ABCA13: variants seen among roughly 807,000 people sequenced by gnomAD.
ABCA13 encodes ATP-binding cassette sub-family A member 13.
In ABCA13, 476 loss-of-function variants were observed where a neutral mutation model predicts 478.7. That is an observed-to-expected ratio of 0.99 (90% confidence interval 0.92 to 1.07). The LOEUF is 1.07. ABCA13 is among the 50% of genes least tolerant of loss of function. The pLI is 0.00. For synonymous variants in ABCA13, 2,252 were observed against 2,158.9 expected (o/e 1.04, Z -1.20); for missense variants, 6,060 against 5,910.6 (o/e 1.03, Z -0.83).
chr7:48,450,100 G>C (rs1223870563), intron 42 of ABCA13, among the ~76,000 whole-genome samples: 1 of 152,122 alleles, frequency 6.6e-6, no homozygotes, highest in Non-Finnish European at 1.5e-5. Flanking sequence ...ACCTAGCATA[G>C]CACTTGCACT....
At chr7:48,204,410 C>T (rs905825770) in intron 3 of ABCA13, among the ~76,000 whole-genome samples, 4 of 152,036 alleles carry the variant, frequency 2.6e-5, no homozygotes, top group Admixed American at 6.6e-5. Flanking sequence ...GGGGTTTCAC[C>T]ATGTTGGCCA....
intron 35 of ABCA13, among the ~76,000 whole-genome samples, chr7:48,385,042 T>C (rs2129048293): frequency 6.6e-6 from 1 of 152,272 alleles, no homozygotes; most frequent in South Asian, 2.1e-4. Context: ...GGTTAGAACT[T>C]CAACATATGA....
intron 35 of ABCA13, among the ~76,000 whole-genome samples, chr7:48,380,941 C>G (rs924899511): frequency 6.6e-6 from 1 of 152,174 alleles, no homozygotes; most frequent in Admixed American, 6.5e-5. Flanking sequence ...GGCAAGGTAC[C>G]AGCCAACTAG....
intron 58 of ABCA13, among the ~76,000 whole-genome samples, chr7:48,596,472 T>C (rs965600754): frequency 1.3e-5 from 2 of 152,198 alleles, no homozygotes; most frequent in African/African-American, 4.8e-5. Flanking sequence ...CCTTAGAATA[T>C]TTGGGTCACC....
chr7:48,310,482 G>A (rs1434859403), intron 24 of ABCA13, among the ~76,000 whole-genome samples: 1 of 152,154 alleles, frequency 6.6e-6, no homozygotes, highest in Admixed American at 6.5e-5. Flanking sequence ...TCTCTCCTCT[G>A]TAAGGGCCAC....
intron 59 of ABCA13, among the ~76,000 whole-genome samples, chr7:48,626,087 C>T (rs943804247): frequency 5.9e-5 from 9 of 152,142 alleles, no homozygotes; most frequent in African/African-American, 2.2e-4. Flanking sequence ...CAGTTTAAAC[C>T]TGCAAACATT....
chr7:48,599,987 G>T (rs1790716432), intron 58 of ABCA13, among the ~76,000 whole-genome samples: 2 of 152,118 alleles, frequency 1.3e-5, no homozygotes, highest in Non-Finnish European at 2.9e-5. Context: ...TTTTTCCTGG[G>T]TATTCTATCA....
rs1468519340 is a variant in ABCA13 at position 48,364,864 on chromosome 7, A to G, written c.10689-2930A>G. Among the ~76,000 whole-genome samples, 3 of 152,308 alleles carry G rather than the reference A, an allele frequency of 2.0e-5. No homozygotes were observed. The East Asian group carries it at 5.8e-4, about 29-fold the overall frequency. ...TAGCTATTGTGAATAAGTCTGCAAT[A>G]AACATGGGAGTGCACATATCTCTTC... is the stretch of plus-strand genomic sequence containing the variant. On this transcript the variant is annotated intron_variant, in intron 31 of 61. Coordinates refer to ENST00000435803, the MANE Select transcript of ABCA13 (RefSeq NM_152701.5).
chr7:48,209,993 A>G (rs1164932826), intron 3 of ABCA13, among the ~76,000 whole-genome samples: 1 of 152,114 alleles, frequency 6.6e-6, no homozygotes, highest in Non-Finnish European at 1.5e-5. Flanking sequence ...TATTTCTTCT[A>G]CTAATTTTGG....
chr7:48,378,258 C>T (rs919456381), intron 35 of ABCA13, among the ~76,000 whole-genome samples: 1 of 152,114 alleles, frequency 6.6e-6, no homozygotes, highest in Admixed American at 6.5e-5. Flanking sequence ...TGAGAATGTC[C>T]TCACCAGTGG....
At chr7:48,285,388 C>T (rs564275309) in intron 19 of ABCA13, among the ~76,000 whole-genome samples, 3 of 152,250 alleles carry the variant, frequency 2.0e-5, no homozygotes, top group Admixed American at 1.3e-4. Flanking sequence ...AAAGAGGGTA[C>T]CCGGGAAAGT....
chr7:48,399,666 G>C (rs1257603183), intron 38 of ABCA13, among the ~76,000 whole-genome samples: 2 of 152,160 alleles, frequency 1.3e-5, no homozygotes, highest in Non-Finnish European at 2.9e-5. Context: ...TAAGAATAAT[G>C]ATAAGAGTAG....
intron 41 of ABCA13, among the ~76,000 whole-genome samples, chr7:48,416,587 C>G (rs906801533): frequency 3.3e-5 from 5 of 152,118 alleles, no homozygotes; most frequent in Admixed American, 2.0e-4. Flanking sequence ...CACAGACAGA[C>G]GACATTTGTT....
At chr7:48,374,113 G>T (rs1365943055) in intron 33 of ABCA13, among the ~76,000 whole-genome samples, 1 of 152,144 alleles carries the variant, frequency 6.6e-6, no homozygotes, top group Admixed American at 6.5e-5. Context: ...TCGGTAAAGA[G>T]AAATAATTCC....
Position 48,579,819 on chromosome 7 carries a change from GCAGATAAGAGT to G in ABCA13, c.14355-403_14355-393del, listed in dbSNP as rs1363142183. On this transcript the variant is annotated intron_variant, in intron 55 of 61. Coordinates refer to ENST00000435803, the MANE Select transcript of ABCA13 (RefSeq NM_152701.5). ...TGGTGGACTAGGGTTGTCTCATTAT[GCAGATAAGAGT>G]CTCTCCAGTTCAGAGTTTTCTGGGA... Among the ~76,000 whole-genome samples the G allele has an allele frequency of 7.9e-5, 12 of 152,290 alleles. No homozygotes were observed. The East Asian group carries it at 2.3e-3, about 29-fold the overall frequency.
At position 48,404,036 on chromosome 7, in the gene ABCA13, C is replaced by T. The variant is rs185365676; in HGVS notation, c.12070+157C>T. On this transcript the variant is annotated intron_variant, in intron 39 of 61. Coordinates refer to ENST00000435803, the MANE Select transcript of ABCA13 (RefSeq NM_152701.5). Reference sequence around the variant, plus strand: ...TTAAAAGCACTTATAGGGATATATTCGTTAGATAACATCTCTATAGTGCTT... The same window carrying T: ...TTAAAAGCACTTATAGGGATATATTTGTTAGATAACATCTCTATAGTGCTT... 120 of 837,116 alleles carry T rather than the reference C, an allele frequency of 1.4e-4. No homozygotes were observed. In the African/African-American group the frequency reaches 1.5e-3, roughly 10 times the overall value. 51.9% of individuals were successfully genotyped at this position (837,116 alleles called of 1,614,324 possible).
chr7:48,291,385 T>G (rs1028193816), intron 20 of ABCA13, among the ~76,000 whole-genome samples: 1 of 152,158 alleles, frequency 6.6e-6, no homozygotes, highest in African/African-American at 2.4e-5. Context: ...TTGGTGGGTA[T>G]CAACCCAATG....
intron 55 of ABCA13, among the ~76,000 whole-genome samples, chr7:48,530,384 C>T (rs1375941438): frequency 6.6e-6 from 1 of 151,698 alleles, no homozygotes; most frequent in African/African-American, 2.4e-5. Flanking sequence ...TCTTTATCCA[C>T]TTGTTGATTG....
chr7:48,444,868 C>G (rs1170292641), intron 42 of ABCA13, among the ~76,000 whole-genome samples: 4 of 152,160 alleles, frequency 2.6e-5, no homozygotes, highest in Non-Finnish European at 5.9e-5. Context: ...TATTGCTGCT[C>G]TCTACCTAGT....
Sources: gnomAD v4.1 joint callset for allele counts (sites outside exome capture counted in the v4.1 genomes callset) on GRCh38, gnomAD v4.1.1 for gene constraint, MANE v1.5 for transcripts, NCBI Gene and HGNC (gene_info 2026-07-23, HGNC 2026-07-21) for gene names.